Variants in SPOCD1 observed in about 807,000 individuals in gnomAD.
The protein encoded by SPOCD1 is SPOC domain-containing protein 1.
SPOCD1 carries 64 observed loss-of-function variants against 92.2 expected under a neutral mutation model. The ratio of observed to expected loss-of-function variants is 0.69; its 90% CI spans 0.57 to 0.86. The LOEUF (loss-of-function observed/expected upper bound fraction) is 0.86. SPOCD1 is among the 40% of genes least tolerant of loss of function. The probability of loss-of-function intolerance (pLI) is 0.00; values close to 1 mark genes in which losing one functional copy is unlikely to be tolerated. For synonymous variants in SPOCD1, 578 were observed against 619.3 expected, an observed-to-expected ratio of 0.93 and a Z score of 0.99; for missense variants, 1,360 against 1,543.1, an observed-to-expected ratio of 0.88 and a Z score of 1.99.
At chr1:31,810,236 T>C (rs1649110548) in intron 2 of SPOCD1, among the ~76,000 whole-genome samples, 1 of 152,196 alleles carries the variant, frequency 6.6e-6, no homozygotes, top group African/African-American at 2.4e-5. Context: ...AGTCAAGTTA[T>C]GCAGGACTGG....
rs1248891736 is a variant in SPOCD1 at position 31,798,106 on chromosome 1, TCCTC to T, written c.2145+97_2145+100del. The T allele has an allele frequency of 6.9e-5, 61 of 878,440 alleles. No individual in the cohort carries two copies. Among genetic ancestry groups the T allele is most frequent in the Non-Finnish European group, 9.5e-5 (50 of 526,128 alleles). 54.4% of individuals were successfully genotyped at this position (878,440 alleles called of 1,614,324 possible). On this transcript the variant is annotated intron_variant, in intron 9 of 15. Coordinates refer to ENST00000360482, the MANE Select transcript of SPOCD1 (RefSeq NM_144569.7). This position sits in a 1 kb window ranked among gnomAD's most constrained non-coding sequence, Gnocchi z 4.1. ...CCTTGTTTCTGTCTTTCTGAATTCC[TCCTC>T]CCTCCCTCCCTGTCTCTGTCTCTCC...
intron 2 of SPOCD1, among the ~76,000 whole-genome samples, chr1:31,803,028 G>C (rs1334281339): frequency 2.8e-5 from 1 of 35,102 alleles, no homozygotes; most frequent in Non-Finnish European, 6.8e-5. Context: ...GAAAACAGGG[G>C]TGTGGGAAGA....
rs1557814686 is a variant in SPOCD1, at chr1:31,792,658, G to A, written c.2775+20C>T. ...GTAAGGTACTAGGAAAAGAGGGGGT[G>A]CCCAAGAGTGGGCAGGTACCTTGGC... On this transcript the variant is annotated intron_variant, in intron 14 of 15. Transcript: ENST00000360482. 3 of 1,564,542 alleles carry A rather than the reference G, an allele frequency of 1.9e-6. No homozygotes were observed. Among genetic ancestry groups the A allele is most frequent in the Middle Eastern group, 1.7e-4 (1 of 5,982 alleles).
chr1:31,794,271 G>C, intron 10 of SPOCD1, 36 bp from the exon 11 acceptor site: 4 of 1,547,276 alleles, frequency 2.6e-6, no homozygotes, highest in Non-Finnish European at 3.5e-6. Context: ...GGCTGAAAAC[G>C]TGGCTGGGGG....
chr1:31,809,896 TCCCACCTGGCTCCCGTTCCACCTGTAACC>T (rs942801450), intron 2 of SPOCD1, among the ~76,000 whole-genome samples: 4 of 152,160 alleles, frequency 2.6e-5, no homozygotes, highest in Non-Finnish European at 4.4e-5. Context: ...AGCTGGCCTC[TCCCACCTGGCTCCCGTTCCACCTGTAACC>T]CCCACCCTCT....
At chr1:31,791,401 T>G in intron 15 of SPOCD1, 110 bp from the exon 16 acceptor site, 1 of 859,582 alleles carries the variant, frequency 1.2e-6, no homozygotes, top group Non-Finnish European at 1.7e-6. Context: ...GAAAAGTAAG[T>G]AGGAAGGTGG....
intron 2 of SPOCD1, among the ~76,000 whole-genome samples, chr1:31,807,458 C>G (rs1557828894): frequency 1.0e-5 from 1 of 95,974 alleles, no homozygotes; most frequent in African/African-American, 3.9e-5. Flanking sequence ...TTTTAAATAA[C>G]AGATAGGTCA....
At chr1:31,800,658 C>CGCA in intron 3 of SPOCD1, 41 bp from the exon 4 acceptor site, 1 of 1,522,530 alleles carries the variant, frequency 6.6e-7, no homozygotes, top group East Asian at 2.3e-5. Context: ...CGGGGCCAGC[C>CGCA]GCTGTCCCCG....
rs773349487 is a variant in SPOCD1, at chr1:31,793,676, C to T, written c.2534+71G>A. 1.9e-6 allele frequency: 3 copies of T among 1,609,808 alleles called. No homozygotes were observed. In the South Asian group the frequency reaches 3.3e-5, roughly 18 times the overall value. On this transcript the variant is annotated intron_variant, in intron 12 of 15. Transcript: ENST00000360482. ...CACACAGGAAAAGCCAGTGCTATGT[C>T]TGTTGCACCAGGTGGTGGCCTCCCC...
Position 31,792,309 on chromosome 1 carries a change from G to A in SPOCD1, c.2868C>T (p.His956=), listed in dbSNP as rs149242777. Residue 956 remains histidine (H), a synonymous_variant, in exon 15 of 16, where the codon CAC becomes CAT. Coordinates refer to ENST00000360482, the MANE Select transcript of SPOCD1 (RefSeq NM_144569.7). The stretch of plus-strand genomic sequence containing the variant: ...CCATGTGCTCCACAGAGGCCAGCCC[G>A]TGGCGCTGCCTATCATTGAGGTATG... ...LYSYLNDRQR[H]GLASVEHMGM... is the part of the protein sequence containing the mutation. The A allele has an allele frequency of 9.0e-5, 146 of 1,613,852 alleles. No individual in the cohort carries two copies. The highest frequency in any genetic ancestry group is 1.1e-4 in the Non-Finnish European group (127 of 1,180,014).
At position 31,798,245 on chromosome 1, in the gene SPOCD1, G is replaced by T; in HGVS notation, c.2107C>A (p.Gln703Lys). Residue 703 changes from glutamine (Q) to lysine (K), a missense_variant, in exon 9 of 16, where the codon CAG becomes AAG. Transcript: ENST00000360482. This position sits in a 1 kb window ranked among gnomAD's most constrained non-coding sequence, Gnocchi z 4.1. ...VRMSSMQLAPQELARWRDQEE... is the reference protein window; with the variant it reads ...VRMSSMQLAPKELARWRDQEE... ...TGGTCCCGCCAGCGGGCCAGCTCCT[G>T]GGGGGCCAGCTGCATCGAGCTCATC... 1 of 1,613,952 alleles carries T rather than the reference G, an allele frequency of 6.2e-7. No individual in the cohort carries two copies. The highest frequency in any genetic ancestry group is 8.5e-7 in the Non-Finnish European group (1 of 1,179,964).
intron 2 of SPOCD1, among the ~76,000 whole-genome samples, chr1:31,804,300 C>T (rs1402056282): frequency 6.6e-6 from 1 of 152,126 alleles, no homozygotes; most frequent in African/African-American, 2.4e-5. Flanking sequence ...AATCAGCTTG[C>T]CCAATGTCAC....
chr1:31,804,015 A>G (rs1156575630), intron 2 of SPOCD1, among the ~76,000 whole-genome samples: 1 of 152,224 alleles, frequency 6.6e-6, no homozygotes, highest in African/African-American at 2.4e-5. Flanking sequence ...ACAAAAATTT[A>G]CAGATTCAAA....
Position 31,796,701 on chromosome 1 carries a change from A to G in SPOCD1, c.2160T>C (p.Ile720=), listed in dbSNP as rs1319391693. ...TGCACGGCTCCTTCTGTTGCTGCTC[A>G]ATGATATTCAGGCCCTGAAGAGGTG... ...DQEEKRGLNI[I]EQQQKEPCRL... is the part of the protein sequence containing the mutation. Residue 720 remains isoleucine, a synonymous_variant, in exon 10 of 16, where the codon ATT becomes ATC. Transcript: ENST00000360482. 1.2e-6 allele frequency: 2 copies of G among 1,614,224 alleles called. No individual in the cohort carries two copies. The highest frequency in any genetic ancestry group is 1.3e-5 in the African/African-American group (1 of 75,072).
Position 31,793,389 on chromosome 1 carries a change from TGTGG to T in SPOCD1, c.2570_2573del (p.Pro857GlnfsTer43), listed in dbSNP as rs1647754960. ...AGGGTGGCAGGCAGGGCAGGGCCTT[TGTGG>T]GTGCAGCAGGCACATGGAGCCCAGA... On this transcript the variant is annotated frameshift_variant, in exon 13 of 16. Coordinates refer to ENST00000360482, the MANE Select transcript of SPOCD1 (RefSeq NM_144569.7). LOFTEE classifies it high-confidence loss of function. The T allele has an allele frequency of 1.3e-6, 2 of 1,593,176 alleles. No individual in the cohort carries two copies. Among genetic ancestry groups the T allele is most frequent in the East Asian group, 4.6e-5 (2 of 43,866 alleles).
At position 31,813,855 on chromosome 1, in the gene SPOCD1, C is replaced by A. The variant is rs1649358808; in HGVS notation, c.1383+96G>T. The stretch of plus-strand genomic sequence containing the variant: ...GGGATGTGAGAATGTTCATGAAGCG[C>A]CCATCTAGCTTAGCTTTATTAAATT... On this transcript the variant is annotated intron_variant, in intron 2 of 15. Coordinates refer to ENST00000360482, the MANE Select transcript of SPOCD1 (RefSeq NM_144569.7). 3.5e-6 allele frequency: 4 copies of A among 1,139,404 alleles called. No homozygotes were observed. The Admixed American group carries it at 8.4e-5, about 24-fold the overall frequency. The allele number at this position is 1,139,404 out of a possible 1,614,324, so 70.6% of individuals were successfully genotyped here.
chr1:31,806,155 G>C (rs952889788), intron 2 of SPOCD1, among the ~76,000 whole-genome samples: 3 of 150,686 alleles, frequency 2.0e-5, no homozygotes, highest in Non-Finnish European at 3.0e-5. Flanking sequence ...TCCACCATGA[G>C]AGCAAGAAAA....
rs1648024776 is a variant in SPOCD1, at chr1:31,796,424, C to A, written c.2271+166G>T. On this transcript the variant is annotated intron_variant, in intron 10 of 15. Coordinates refer to ENST00000360482, the MANE Select transcript of SPOCD1 (RefSeq NM_144569.7). ...GGCCTGTGCCAGCAGCACTGTCCCA[C>A]CCCATGTTCCCCTATGCGTTAAGGA... 11 of 1,082,894 alleles carry A rather than the reference C, an allele frequency of 1.0e-5. No individual in the cohort carries two copies. The South Asian group carries it at 1.5e-4, about 15-fold the overall frequency. 67.1% of individuals were successfully genotyped at this position (1,082,894 alleles called of 1,614,324 possible).
Position 31,814,370 on chromosome 1 carries a change from G to A in SPOCD1, c.964C>T (p.Pro322Ser). The stretch of plus-strand genomic sequence containing the variant: ...AGGCACAGTGCTGCGCTCTGTGGAG[G>A]AGCCTGTGCAGCTGAACTGAGGGAC... ...GESLSSAAQA[P>S]PQSAALCLGA... The change falls in exon 2 of 16, where the codon CCT (proline) becomes TCT (serine). Residue 322 changes from proline (P) to serine (S), a missense_variant. Around this residue, in one of 3 missense-constraint regions of SPOCD1, gnomAD observed 606 missense variants for 601.5 expected, o/e 1.01. Coordinates refer to ENST00000360482, the MANE Select transcript of SPOCD1 (RefSeq NM_144569.7). The surrounding 1 kb of genome is among the most constrained non-coding windows in gnomAD (Gnocchi z 4.2). 6.2e-7 allele frequency: 1 copy of A among 1,605,636 alleles called. No homozygotes were observed. Among genetic ancestry groups the A allele is most frequent in the Non-Finnish European group, 8.5e-7 (1 of 1,175,422 alleles).
Sources: allele counts gnomAD v4.1 joint callset (sites outside exome capture counted in the v4.1 genomes callset), GRCh38; gene constraint gnomAD v4.1.1; regional missense constraint gnomAD v4.1.1; non-coding constraint Gnocchi (gnomAD v3.1); transcripts MANE v1.5; gene names NCBI Gene and HGNC (gene_info 2026-07-23, HGNC 2026-07-21).